MCM5: variants seen among roughly 807,000 people sequenced by gnomAD.
The protein encoded by MCM5 is minichromosome maintenance complex component 5.
A neutral mutation model predicts 79.9 loss-of-function variants in MCM5; 46 were observed. The ratio of observed to expected loss-of-function variants is 0.58; its 90% CI spans 0.45 to 0.74. MCM5 has a LOEUF of 0.74. Ranked by LOEUF, MCM5 falls within the 30% of genes least tolerant of loss-of-function variation. MCM5 has a pLI of 0.00. For missense variants in MCM5, 883 were observed against 1,017.0 expected, an observed-to-expected ratio of 0.87 and a Z score of 1.79; for synonymous variants, 404 against 390.5, an observed-to-expected ratio of 1.03 and a Z score of -0.41.
Position 35,418,567 on chromosome 22 carries a change from G to C in MCM5, c.1703+711G>C, listed in dbSNP as rs996570489. On this transcript the variant is annotated intron_variant, in intron 13 of 16. Coordinates refer to ENST00000216122, the MANE Select transcript of MCM5 (RefSeq NM_006739.4). ...CCCAGCTACTCAGGAGGCTGAGGCA[G>C]GAGAATTGCTTGAACCCAGGAGGCA... Among the ~76,000 whole-genome samples the C allele has an allele frequency of 1.2e-4, 19 of 152,030 alleles. 1 individual carries two copies. The highest frequency in any genetic ancestry group is 7.4e-5 in the Non-Finnish European group (5 of 68,018).
At chr22:35,409,104 A>C (rs1601755253) in intron 6 of MCM5, among the ~76,000 whole-genome samples, 2 of 152,204 alleles carry the variant, frequency 1.3e-5, no homozygotes, top group African/African-American at 4.8e-5. Context: ...CTGGGACTAC[A>C]GGCGCCCTCC....
In MCM5 at chr22:35,411,167, C is replaced by T. The variant is rs965131312; in HGVS notation, c.919+257C>T. ...CTGAGGTCAAATCACTGGGGAATTA[C>T]TGAAAGCCAAGTCTTCACTTCTGTG... is the stretch of plus-strand genomic sequence containing the variant. On this transcript the variant is annotated intron_variant, in intron 7 of 16. Coordinates refer to ENST00000216122, the MANE Select transcript of MCM5 (RefSeq NM_006739.4). 20 of 314,914 alleles carry T rather than the reference C, an allele frequency of 6.4e-5. No individual in the cohort carries two copies. In the Admixed American group the frequency reaches 6.9e-4, roughly 11 times the overall value. The allele number at this position is 314,914 out of a possible 1,614,324, so 19.5% of individuals were successfully genotyped here. A position where few individuals can be genotyped will look rare whatever the true frequency, so the allele number is the denominator to read the frequency against.
chr22:35,413,484 T>C (rs1377093861), intron 8 of MCM5, among the ~76,000 whole-genome samples: 1 of 152,146 alleles, frequency 6.6e-6, no homozygotes, highest in East Asian at 1.9e-4. Context: ...CCCCAGCACA[T>C]GCAGGGGAGC....
At chr22:35,403,666 C>A in intron 4 of MCM5, 124 bp downstream of exon 4, 1 of 1,212,964 alleles carries the variant, frequency 8.2e-7, no homozygotes, top group South Asian at 1.5e-5. Context: ...CTCCTGGAGA[C>A]AAAAGGATCG....
At chr22:35,408,968 TC>T (rs1932297522) in intron 6 of MCM5, among the ~76,000 whole-genome samples, 2 of 66,886 alleles carry the variant, frequency 3.0e-5, no homozygotes, top group African/African-American at 2.7e-4. Context: ...CCCCAGGCTT[TC>T]TTTTTTTTTT....
chr22:35,453,602 T>G, the MCM5 span, among the ~76,000 whole-genome samples: 2 of 143,130 alleles, frequency 1.4e-5, no homozygotes, highest in African/African-American at 2.6e-5. Context: ...GATAGAGACA[T>G]AAATAGAGAC....
the MCM5 span, among the ~76,000 whole-genome samples, chr22:35,453,772 T>C: frequency 1.5e-5 from 2 of 130,798 alleles, no homozygotes; most frequent in Non-Finnish European, 3.2e-5. Flanking sequence ...GAGGGACAAA[T>C]ATAGGAAGAC....
chr22:35,436,481 C>T, the MCM5 span, among the ~76,000 whole-genome samples: 1 of 152,230 alleles, frequency 6.6e-6, no homozygotes, highest in African/African-American at 2.4e-5. Context: ...GCAGAAGGGG[C>T]ACCTGGGGGC....
At chr22:35,410,654 C>G (rs137966621) in intron 6 of MCM5, 90 bp from the exon 7 acceptor site, 2 of 1,298,652 alleles carry the variant, frequency 1.5e-6, no homozygotes, top group South Asian at 2.4e-5. Flanking sequence ...TGCAGTGGAC[C>G]CTGCGTGTCC....
chr22:35,451,684 T>C, the MCM5 span, among the ~76,000 whole-genome samples: 1 of 152,164 alleles, frequency 6.6e-6, no homozygotes, highest in African/African-American at 2.4e-5. Context: ...CTGTCCTTTG[T>C]CCCCCTGCAG....
chr22:35,447,568 G>T, the MCM5 span, among the ~76,000 whole-genome samples: 5 of 152,154 alleles, frequency 3.3e-5, no homozygotes, highest in African/African-American at 1.2e-4. Context: ...TGCCTCCAGG[G>T]TGCAAGGGAT....
At position 35,406,662 on chromosome 22, in the gene MCM5, C is replaced by G; in HGVS notation, c.533C>G (p.Thr178Ser). Residue 178 changes from threonine (T) to serine (S), a missense_variant, in exon 5 of 17, where the codon ACC becomes AGC. Transcript: ENST00000216122. The part of the protein sequence containing the change: ...ISIQCRSCRN[T>S]LTNIAMRPGL... ...ATCCAGTGCCGCAGCTGCCGCAACA[C>G]CCTCACCAACATTGCCATGCGCCCT... 1 of 1,612,300 alleles carries G rather than the reference C, an allele frequency of 6.2e-7. No individual in the cohort carries two copies. Among genetic ancestry groups the G allele is most frequent in the Non-Finnish European group, 8.5e-7 (1 of 1,180,034 alleles).
chr22:35,438,997 A>G, the MCM5 span, among the ~76,000 whole-genome samples: 1 of 9,310 alleles, frequency 1.1e-4, no homozygotes, highest in Non-Finnish European at 2.6e-4. Flanking sequence ...CCACATATTC[A>G]TCCATCCATC....
At chr22:35,427,278 T>C (rs1932784333), downstream of MCM5, among the ~76,000 whole-genome samples, 1 of 152,238 alleles carries the variant, frequency 6.6e-6, no homozygotes, top group Non-Finnish European at 1.5e-5. Context: ...AGATGGCCCA[T>C]ACTTCAAATA....
the MCM5 span, among the ~76,000 whole-genome samples, chr22:35,438,605 A>ACCCACATATTCATCCATCCATCCG: frequency 6.6e-6 from 1 of 150,794 alleles, no homozygotes; most frequent in Non-Finnish European, 1.5e-5. Context: ...GCATCCACCC[A>ACCCACATATTCATCCATCCATCCG]CCCACATATT....
At chr22:35,434,688 G>A in the MCM5 span, among the ~76,000 whole-genome samples, 4 of 152,184 alleles carry the variant, frequency 2.6e-5, no homozygotes, top group Admixed American at 1.3e-4. Context: ...AATGCCACAC[G>A]GGACACTGCT....
chr22:35,406,966 A>G (rs911868507), intron 5 of MCM5, among the ~76,000 whole-genome samples: 4 of 152,104 alleles, frequency 2.6e-5, no homozygotes, highest in Non-Finnish European at 5.9e-5. Flanking sequence ...GTTGTAGGGA[A>G]CCCAGGGTTG....
rs750823795 is a variant in MCM5 at position 35,410,600 on chromosome 22, G to T, written c.753-144G>T. ...AGAGAGGCCGTTCTCTGGGCTCCGT[G>T]GGGCTGGAGCCAGCTCAGCATGTGG... On this transcript the variant is annotated intron_variant, in intron 6 of 16. Transcript: ENST00000216122. 6 of 775,686 alleles carry T rather than the reference G, an allele frequency of 7.7e-6. No individual in the cohort carries two copies. In the Admixed American group the frequency reaches 1.1e-4, roughly 14 times the overall value. The allele number at this position is 775,686 out of a possible 1,614,324, so 48.1% of individuals were successfully genotyped here.
chr22:35,439,261 A>G, the MCM5 span, among the ~76,000 whole-genome samples: 1 of 151,914 alleles, frequency 6.6e-6, no homozygotes, highest in Non-Finnish European at 1.5e-5. Flanking sequence ...CCACATATTT[A>G]TCCATCCAAT....
Sources: allele counts gnomAD v4.1 joint callset (sites outside exome capture counted in the v4.1 genomes callset), GRCh38; gene constraint gnomAD v4.1.1; transcripts MANE v1.5; gene names NCBI Gene and HGNC (gene_info 2026-07-23, HGNC 2026-07-21).